Variants in ZNF214 observed in about 807,000 individuals in gnomAD.
The protein encoded by ZNF214 is BWSCR2-associated zinc finger protein 1.
In ZNF214, 43 loss-of-function variants were observed where a neutral mutation model predicts 53.9. The ratio of observed to expected loss-of-function variants is 0.80; its 90% CI spans 0.63 to 1.03. The LOEUF (loss-of-function observed/expected upper bound fraction) is 1.03. Ranked by LOEUF, ZNF214 falls within the 50% of genes least tolerant of loss-of-function variation. The pLI is 0.00. For missense variants in ZNF214, 724 were observed against 719.1 expected (o/e 1.01, Z -0.08); for synonymous variants, 217 against 229.5 (o/e 0.95, Z 0.49).
intron 2 of ZNF214, among the ~76,000 whole-genome samples, chr11:7,001,858 T>A (rs1851363095): frequency 6.6e-6 from 1 of 152,058 alleles, no homozygotes; most frequent in African/African-American, 2.4e-5. Context: ...AACTGCTTCA[T>A]GGAAATAGTC....
At position 7,000,652 on chromosome 11, in the gene ZNF214, A is replaced by C; in HGVS notation, c.1031T>G (p.Leu344Ter). ...GTGAAGTCTCTGGTGAATGTGAAGTAATGAATTTCTACTGAGGTCTTTATC... is the reference window on the plus strand; with the variant it reads ...GTGAAGTCTCTGGTGAATGTGAAGTCATGAATTTCTACTGAGGTCTTTATC... Reference protein sequence around the residue: ...ECDKDLSRNSLLHIHQRLHIG... With the variant: ...ECDKDLSRNS Residue 344 changes from leucine (L) to a stop codon, truncating the protein, a stop_gained, in exon 3 of 3, where the codon TTA becomes TGA. Coordinates refer to ENST00000278314, the MANE Select transcript of ZNF214 (RefSeq NM_013249.4). LOFTEE classifies it high-confidence loss of function. 1 of 1,598,988 alleles carries C rather than the reference A, an allele frequency of 6.3e-7. No individual in the cohort carries two copies. The highest frequency in any genetic ancestry group is 1.1e-5 in the South Asian group (1 of 88,804).
Position 7,001,140 on chromosome 11 carries a change from TTCTTTTTCCATGGAGAGGTTTTTCC to T in ZNF214, c.518_542del (p.Arg173AsnfsTer5). On this transcript the variant is annotated frameshift_variant, in exon 3 of 3. Coordinates refer to ENST00000278314, the MANE Select transcript of ZNF214 (RefSeq NM_013249.4). LOFTEE classifies it high-confidence loss of function. Reference sequence around the variant, plus strand: ...AAGAATGCTGAACTATGAGCTTCTGTTCTTTTTCCATGGAGAGGTTTTTCCTGGATATGCCAAGACGGTATCTGCC... The same window carrying T: ...AAGAATGCTGAACTATGAGCTTCTGTTGGATATGCCAAGACGGTATCTGCC... The T allele has an allele frequency of 3.7e-6, 6 of 1,613,362 alleles. No homozygotes were observed. The highest frequency in any genetic ancestry group is 5.1e-6 in the Non-Finnish European group (6 of 1,179,572).
In ZNF214 at chr11:7,000,654, T is replaced by TG. The variant is rs745992997; in HGVS notation, c.1028dup (p.Leu344IlefsTer16). The stretch of plus-strand genomic sequence containing the variant: ...GAAGTCTCTGGTGAATGTGAAGTAA[T>TG]GAATTTCTACTGAGGTCTTTATCAC... On this transcript the variant is annotated frameshift_variant, in exon 3 of 3. Transcript: ENST00000278314. LOFTEE classifies it high-confidence loss of function. 8 of 1,598,674 alleles carry TG rather than the reference T, an allele frequency of 5.0e-6. No individual in the cohort carries two copies. The South Asian group carries it at 9.0e-5, about 18-fold the overall frequency.
At position 7,001,046 on chromosome 11, in the gene ZNF214, A is replaced by T; in HGVS notation, c.637T>A (p.Ser213Thr). The T allele has an allele frequency of 1.2e-6, 2 of 1,613,242 alleles. No homozygotes were observed. Among genetic ancestry groups the T allele is most frequent in the Non-Finnish European group, 1.7e-6 (2 of 1,179,558 alleles). The change falls in exon 3 of 3, where the codon TCA (serine) becomes ACA (threonine). Residue 213 changes from serine (S) to threonine (T), a missense_variant. Transcript: ENST00000278314. The part of the protein sequence containing the change: ...VICQEDLLRD[S>T]MEEKYCGCNK... ...CATCCACAGTACTTTTCTTCCATTG[A>T]ATCTCTCAGTAGGTCTTCTTGACAT...
At position 7,001,533 on chromosome 11, in the gene ZNF214, T is replaced by C; in HGVS notation, c.150A>G (p.Lys50=). 6.2e-7 allele frequency: 1 copy of C among 1,603,398 alleles called. No homozygotes were observed. The highest frequency in any genetic ancestry group is 8.5e-7 in the Non-Finnish European group (1 of 1,173,920). ...AGTATCTGAATTTTTCTTCTTGGGATTTGTAGCTCTCATTCCAGTTTTCTA... is the reference window on the plus strand; with the variant it reads ...AGTATCTGAATTTTTCTTCTTGGGACTTGTAGCTCTCATTCCAGTTTTCTA... The part of the protein sequence containing the change: ...MSVENWNESY[K]SQEEKFRYLE... Residue 50 remains lysine (K), a synonymous_variant, in exon 3 of 3, where the codon AAA becomes AAG. Coordinates refer to ENST00000278314, the MANE Select transcript of ZNF214 (RefSeq NM_013249.4).
chr11:7,006,890 A>G (rs892907463), intron 1 of ZNF214, among the ~76,000 whole-genome samples: 2 of 152,044 alleles, frequency 1.3e-5, no homozygotes, highest in Non-Finnish European at 2.9e-5. Context: ...TAATAAGTCA[A>G]TTAAGAAGAG....
chr11:7,019,280 CTCT>C (rs1451651756), intron 1 of ZNF214, among the ~76,000 whole-genome samples: 3 of 152,142 alleles, frequency 2.0e-5, no homozygotes, highest in African/African-American at 4.8e-5. Flanking sequence ...CCTATGAATG[CTCT>C]TGTTTCCTTT....
rs774387611 is a variant in ZNF214 at position 6,997,798 on chromosome 11, C to T, written c.*2064G>A. Among the ~76,000 whole-genome samples the T allele has an allele frequency of 2.0e-5, 3 of 151,858 alleles. No individual in the cohort carries two copies. Among genetic ancestry groups the T allele is most frequent in the Non-Finnish European group, 4.4e-5 (3 of 67,866 alleles). Reference sequence around the variant, plus strand: ...ATGCAATATTTGGGACACCCTTATACTAAAACAATTATTCTTTGCTTATAT... The same window carrying T: ...ATGCAATATTTGGGACACCCTTATATTAAAACAATTATTCTTTGCTTATAT... On this transcript the variant is annotated 3_prime_UTR_variant, in exon 3 of 3. Coordinates refer to ENST00000278314, the MANE Select transcript of ZNF214 (RefSeq NM_013249.4).
At chr11:7,005,384 A>AAGTTTT (rs1211055761) in intron 1 of ZNF214, among the ~76,000 whole-genome samples, 13 of 152,074 alleles carry the variant, frequency 8.5e-5, no homozygotes, top group Non-Finnish European at 1.6e-4. Context: ...TATAAACAAT[A>AAGTTTT]AACTAAGATG....
intron 1 of ZNF214, among the ~76,000 whole-genome samples, chr11:7,012,287 A>ATTAT (rs1851623122): frequency 6.6e-6 from 1 of 152,210 alleles, no homozygotes; most frequent in African/African-American, 2.4e-5. Flanking sequence ...AGAGGTAAGG[A>ATTAT]TTATTTACCA....
intron 1 of ZNF214, among the ~76,000 whole-genome samples, chr11:7,018,354 G>A (rs1430799569): frequency 6.6e-6 from 1 of 152,070 alleles, no homozygotes; most frequent in East Asian, 1.9e-4. Flanking sequence ...TTCCTATTTA[G>A]AATATCTTCC....
Position 7,001,333 on chromosome 11 carries a change from C to T in ZNF214, c.350G>A (p.Gly117Glu). The T allele has an allele frequency of 1.9e-6, 3 of 1,613,146 alleles. No homozygotes were observed. The highest frequency in any genetic ancestry group is 1.7e-4 in the Middle Eastern group (1 of 6,050). The change falls in exon 3 of 3, where the codon GGG becomes GAG. Residue 117 changes from glycine (G) to glutamate (E), a missense_variant. Gly to Glu is a moderately conservative substitution (Grantham distance 98, BLOSUM62 -2). Transcript: ENST00000278314. ...GCTTTCAAAAGTCAGTTCATAGTTCCCATACCCTGGTACTTGTGTGGAGAG... is the reference window on the plus strand; with the variant it reads ...GCTTTCAAAAGTCAGTTCATAGTTCTCATACCCTGGTACTTGTGTGGAGAG... Reference protein sequence around the residue: ...LILSTQVPGYGNYELTFESKS... With the variant: ...LILSTQVPGYENYELTFESKS...
intron 1 of ZNF214, among the ~76,000 whole-genome samples, chr11:7,006,295 C>T (rs1851469449): frequency 6.6e-6 from 1 of 151,962 alleles, no homozygotes; most frequent in African/African-American, 2.4e-5. Context: ...TTTTCCACTC[C>T]TTTTTTGGTA....
At chr11:7,017,418 A>G (rs1212317612) in intron 1 of ZNF214, among the ~76,000 whole-genome samples, 1 of 152,202 alleles carries the variant, frequency 6.6e-6, no homozygotes, top group African/African-American at 2.4e-5. Flanking sequence ...ATGTATAAGA[A>G]TATTTATTAT....
Position 6,999,578 on chromosome 11 carries a change from CTAGAATGAAA to C in ZNF214, c.*274_*283del, listed in dbSNP as rs1851268601. 4.7e-6 allele frequency: 1 copy of C among 214,332 alleles called. No homozygotes were observed. Among genetic ancestry groups the C allele is most frequent in the African/African-American group, 2.3e-5 (1 of 43,254 alleles). The allele number at this position is 214,332 out of a possible 1,614,324, so 13.3% of individuals were successfully genotyped here. ...ACATTAAAATGCACAGAAAAAAAGA[CTAGAATGAAA>C]TAGAATGAAGAGTTTTCTCCTTAAA... On this transcript the variant is annotated 3_prime_UTR_variant, in exon 3 of 3. Transcript: ENST00000278314.
At chr11:7,010,680 G>C (rs189866603) in intron 1 of ZNF214, among the ~76,000 whole-genome samples, 31 of 144,002 alleles carry the variant, frequency 2.2e-4, no homozygotes, top group African/African-American at 7.7e-4. Flanking sequence ...GAAGAATAAA[G>C]TGGAAGTCAA....
intron 1 of ZNF214, among the ~76,000 whole-genome samples, chr11:7,009,408 C>A (rs947362205): frequency 1.3e-5 from 2 of 152,106 alleles, no homozygotes; most frequent in Non-Finnish European, 2.9e-5. Flanking sequence ...CTTCCTTATA[C>A]AATATACAAA....
At chr11:7,005,348 C>G (rs1851449868) in intron 1 of ZNF214, among the ~76,000 whole-genome samples, 1 of 151,668 alleles carries the variant, frequency 6.6e-6, no homozygotes, top group Non-Finnish European at 1.5e-5. Context: ...TACAATAAAT[C>G]TAAACAGAAA....
rs1851387128 is a variant in ZNF214 at position 7,002,867 on chromosome 11, A to G, written c.-20-12T>C. On this transcript the variant is annotated splice_polypyrimidine_tract_variant and intron_variant, in intron 1 of 2. Transcript: ENST00000278314. Reference sequence around the variant, plus strand: ...AAAGATCAGGCTTTCTAGGAAAAAGAAATCTAAGTGAGAAGATGGACAAAG... The same window carrying G: ...AAAGATCAGGCTTTCTAGGAAAAAGGAATCTAAGTGAGAAGATGGACAAAG... 6.4e-7 allele frequency: 1 copy of G among 1,568,584 alleles called. No individual in the cohort carries two copies. The highest frequency in any genetic ancestry group is 2.0e-5 in the Admixed American group (1 of 50,190).
Sources: gnomAD v4.1 joint callset for allele counts (sites outside exome capture counted in the v4.1 genomes callset) on GRCh38, gnomAD v4.1.1 for gene constraint, MANE v1.5 for transcripts, NCBI Gene and HGNC (gene_info 2026-07-23, HGNC 2026-07-21) for gene names.